VWA5B1: variants seen among roughly 807,000 people sequenced by gnomAD.
VWA5B1 encodes the protein von Willebrand factor A domain-containing protein 5B1.
VWA5B1 carries 115 observed loss-of-function variants against 118.2 expected under a neutral mutation model. The observed-to-expected ratio is 0.97, with a 90% CI of 0.84 to 1.14. The LOEUF (loss-of-function observed/expected upper bound fraction) is 1.14. VWA5B1 is among the 50% of genes most tolerant of loss of function. The pLI is 0.00. For synonymous variants in VWA5B1, 682 were observed against 658.4 expected (o/e 1.04, Z -0.55); for missense variants, 1,596 against 1,603.8 (o/e 1.00, Z 0.08).
intron 20 of VWA5B1, among the ~76,000 whole-genome samples, chr1:20,351,653 AAAAAAAT>A (rs1186859636): frequency 6.6e-6 from 1 of 152,012 alleles, no homozygotes; most frequent in Non-Finnish European, 1.5e-5. Flanking sequence ...CTCCATCTCA[AAAAAAAT>A]AAAAAATAAA....
rs1487960839 is a variant in VWA5B1, at chr1:20,301,179, G to A, written c.-26-9397G>A. 3.9e-5 allele frequency among the ~76,000 whole-genome samples: 6 copies of A among 152,242 alleles called. No individual in the cohort carries two copies. The East Asian group carries it at 1.2e-3, about 29-fold the overall frequency. The stretch of plus-strand genomic sequence containing the variant: ...GTGGCAGGTCTGAGGGCTGTAGGTG[G>A]CCAGAGCCCCCATGGGGTAATGCCA... On this transcript the variant is annotated intron_variant, in intron 1 of 21. Coordinates refer to ENST00000289815, the MANE Select transcript of VWA5B1 (RefSeq NM_001039500.3).
chr1:20,292,119 CTCTT>C (rs1360972959), intron 1 of VWA5B1, among the ~76,000 whole-genome samples: 3 of 151,550 alleles, frequency 2.0e-5, no homozygotes, highest in Non-Finnish European at 4.4e-5. Flanking sequence ...CCCTCTGTCT[CTCTT>C]TCTCTTTTCT....
Position 20,337,947 on chromosome 1 carries a change from G to A in VWA5B1, c.2133+111G>A, listed in dbSNP as rs1260538547. On this transcript the variant is annotated intron_variant, in intron 14 of 21. Transcript: ENST00000289815. Reference sequence around the variant, plus strand: ...GGCCATCCACAACTTACACTGCCAAGTGAGTCACTCCCTCTTTCCTTCCCT... The same window carrying A: ...GGCCATCCACAACTTACACTGCCAAATGAGTCACTCCCTCTTTCCTTCCCT... 6.0e-6 allele frequency: 8 copies of A among 1,341,652 alleles called. No homozygotes were observed. The African/African-American group carries it at 8.7e-5, about 15-fold the overall frequency. The allele number at this position is 1,341,652 out of a possible 1,614,324, so 83.1% of individuals were successfully genotyped here. A position where few individuals can be genotyped will look rare whatever the true frequency, so the allele number is the denominator to read the frequency against.
intron 1 of VWA5B1, among the ~76,000 whole-genome samples, chr1:20,296,675 T>C (rs1433418654): frequency 6.6e-6 from 1 of 152,260 alleles, no homozygotes; most frequent in Admixed American, 6.5e-5. Flanking sequence ...GGCACATGGT[T>C]GTAACTATAA....
chr1:20,313,117 G>C lies in VWA5B1; in HGVS notation c.292+129G>C, dbSNP rs1050535733. ...GCAGAAAGAGCACTGAACTAGTCAAGAATCTTGGACAGAATCCTGTGCCAC... is the reference window on the plus strand; with the variant it reads ...GCAGAAAGAGCACTGAACTAGTCAACAATCTTGGACAGAATCCTGTGCCAC... On this transcript the variant is annotated intron_variant, in intron 3 of 21. Coordinates refer to ENST00000289815, the MANE Select transcript of VWA5B1 (RefSeq NM_001039500.3). The C allele has an allele frequency of 4.3e-5, 55 of 1,274,662 alleles. No homozygotes were observed. In the African/African-American group the frequency reaches 8.1e-4, roughly 19 times the overall value. 79.0% of individuals were successfully genotyped at this position (1,274,662 alleles called of 1,614,324 possible). A position where few individuals can be genotyped will look rare whatever the true frequency, so the allele number is the denominator to read the frequency against.
Position 20,321,125 on chromosome 1 carries a change from A to C in VWA5B1, c.966+1619A>C, listed in dbSNP as rs530552861. On this transcript the variant is annotated intron_variant, in intron 7 of 21. Transcript: ENST00000289815. ...AGAGTAACAGAGGCAAAAAAAAAAA[A>C]AAAACACGAAAAGATGCACACACAG... 2.6e-5 allele frequency among the ~76,000 whole-genome samples: 4 copies of C among 152,042 alleles called. No homozygotes were observed. In the East Asian group the frequency reaches 7.7e-4, roughly 29 times the overall value.
chr1:20,329,286 CCTTTTTT>C (rs1557854279), intron 9 of VWA5B1, among the ~76,000 whole-genome samples: 1 of 128,090 alleles, frequency 7.8e-6, no homozygotes, highest in Non-Finnish European at 1.6e-5. Context: ...TTTTCTTTTC[CCTTTTTT>C]TTTTTTTTTT....
At position 20,319,555 on chromosome 1, in the gene VWA5B1, G is replaced by A. The variant is rs137888616; in HGVS notation, c.966+49G>A. On this transcript the variant is annotated intron_variant, in intron 7 of 21. Transcript: ENST00000289815. ...CGGACGGTGGCAGAGTTGGGGTGGC[G>A]CTGAGGCCTGGTCTCCACTGAACAA... The A allele has an allele frequency of 5.2e-4, 797 of 1,546,894 alleles. 10 individuals carry two copies. The East Asian group carries it at 0.014, about 27-fold the overall frequency.
chr1:20,332,680 C>G (rs1570166052), intron 11 of VWA5B1, 86 bp from the exon 12 acceptor site: 1 of 1,431,942 alleles, frequency 7.0e-7, no homozygotes, highest in Admixed American at 2.1e-5. Context: ...CCTGCTCCCA[C>G]TCCCCACTAA....
In VWA5B1 at chr1:20,356,993, G is replaced by T. The variant is rs1435018018; in HGVS notation, c.*2730G>T. Among the ~76,000 whole-genome samples the T allele has an allele frequency of 1.3e-5, 2 of 152,220 alleles. No homozygotes were observed. Among genetic ancestry groups the T allele is most frequent in the South Asian group, 4.1e-4 (2 of 4,830 alleles). On this transcript the variant is annotated 3_prime_UTR_variant, in exon 22 of 22. Transcript: ENST00000289815. ...ACAGAGTTCTAAAGTTTCTCAAGCA[G>T]GGAACACATTGCCCCTGCAATCTCA...
chr1:20,331,532 G>A (rs578042322), intron 11 of VWA5B1, among the ~76,000 whole-genome samples: 1 of 152,308 alleles, frequency 6.6e-6, no homozygotes, highest in African/African-American at 2.4e-5. Context: ...AACTCTTCAG[G>A]CCAAGAGGCC....
intron 1 of VWA5B1, among the ~76,000 whole-genome samples, chr1:20,306,306 C>A (rs988737028): frequency 6.6e-6 from 1 of 151,410 alleles, no homozygotes; most frequent in African/African-American, 2.4e-5. Context: ...AAGGGGTGGT[C>A]AGAAGGGAAA....
rs1431603624 is a variant in VWA5B1, at chr1:20,310,629, G to A, written c.28G>A (p.Gly10Arg). ...GCCCGGCTTGCTGAATTGGATCACG[G>A]GGGCAGCCCTGCCCCTCACCGCGTC... The part of the protein sequence containing the change: MPGLLNWIT[G>R]AALPLTASDV... The change falls in exon 2 of 22, where the codon GGG (glycine) becomes AGG (arginine). Residue 10 changes from glycine (G) to arginine (R), a missense_variant. Coordinates refer to ENST00000289815, the MANE Select transcript of VWA5B1 (RefSeq NM_001039500.3). 1 of 1,546,286 alleles carries A rather than the reference G, an allele frequency of 6.5e-7. No individual in the cohort carries two copies. The highest frequency in any genetic ancestry group is 2.0e-5 in the Admixed American group (1 of 49,748).
At chr1:20,334,480 G>A (rs565503522) in intron 12 of VWA5B1, among the ~76,000 whole-genome samples, 2 of 152,270 alleles carry the variant, frequency 1.3e-5, no homozygotes, top group South Asian at 2.1e-4. Context: ...ATAACTTGCC[G>A]CAGCCCTCCT....
intron 8 of VWA5B1, among the ~76,000 whole-genome samples, chr1:20,327,619 T>C (rs1160445698): frequency 2.0e-5 from 3 of 150,444 alleles, no homozygotes; most frequent in Admixed American, 6.6e-5. Context: ...ACCTGCTACA[T>C]GGATAAGTTT....
intron 15 of VWA5B1, 105 bp downstream of exon 15, chr1:20,342,714 C>T: frequency 7.5e-7 from 1 of 1,334,978 alleles, no homozygotes; most frequent in Non-Finnish European, 1.0e-6. Context: ...TGGGTCTGTC[C>T]CCTTGTGGTC....
At chr1:20,300,986 T>G (rs2100804731) in intron 1 of VWA5B1, among the ~76,000 whole-genome samples, 1 of 152,278 alleles carries the variant, frequency 6.6e-6, no homozygotes, top group South Asian at 2.1e-4. Context: ...TGACTCCCAG[T>G]GCAGTGACCT....
At chr1:20,318,781 G>A (rs972837649) in intron 6 of VWA5B1, 60 bp downstream of exon 6, 27 of 1,437,728 alleles carry the variant, frequency 1.9e-5, no homozygotes, top group Admixed American at 1.7e-4. Flanking sequence ...TGCTGATCCT[G>A]TGGGGACAGA....
At chr1:20,291,420 C>T (rs1262831318) in intron 1 of VWA5B1, among the ~76,000 whole-genome samples, 1 of 149,834 alleles carries the variant, frequency 6.7e-6, no homozygotes, top group Non-Finnish European at 1.5e-5. Context: ...CTCCCCACCC[C>T]TTCTCCTGCT....
Sources: gnomAD v4.1 joint callset for allele counts (sites outside exome capture counted in the v4.1 genomes callset) on GRCh38, gnomAD v4.1.1 for gene constraint, MANE v1.5 for transcripts, NCBI Gene and HGNC (gene_info 2026-07-23, HGNC 2026-07-21) for gene names.